Variants in COLGALT2 observed in about 807,000 individuals in gnomAD.
The protein encoded by COLGALT2 is procollagen galactosyltransferase 2.
Under a neutral mutation model 73.4 loss-of-function variants are expected in COLGALT2, and 49 were observed. That is an observed-to-expected ratio of 0.67 (90% CI 0.53 to 0.85). The LOEUF (loss-of-function observed/expected upper bound fraction) is 0.85. Among genes scored for constraint, COLGALT2 ranks in the 40% least tolerant of loss-of-function variants. COLGALT2 has a pLI of 0.00. For missense variants in COLGALT2, 722 were observed against 790.2 expected, an observed-to-expected ratio of 0.91 and a Z score of 1.03; for synonymous variants, 295 against 307.6, an observed-to-expected ratio of 0.96 and a Z score of 0.43.
rs532251725 is a variant in COLGALT2, at chr1:184,026,188, G to A, written c.263+10907C>T. ...TGCACACTAGGGAAAAATGAAAGAC[G>A]CTGCTTTTGGCTAGAGGAAACTGTC... On this transcript the variant is annotated intron_variant, in intron 1 of 11. Transcript: ENST00000361927. 3.5e-4 allele frequency among the ~76,000 whole-genome samples: 54 copies of A among 152,182 alleles called. 1 individual carries two copies. In the South Asian group the frequency reaches 5.8e-3, roughly 16 times the overall value.
intron 1 of COLGALT2, among the ~76,000 whole-genome samples, chr1:183,997,395 C>T (rs1311395576): frequency 6.6e-6 from 1 of 152,160 alleles, no homozygotes; most frequent in Non-Finnish European, 1.5e-5. Context: ...TCCCTAGTTA[C>T]TCCTCTTCCT....
Position 183,953,269 on chromosome 1 carries a change from C to T in COLGALT2, c.1029+1493G>A, listed in dbSNP as rs545200495. 2.6e-5 allele frequency among the ~76,000 whole-genome samples: 4 copies of T among 152,248 alleles called. No individual in the cohort carries two copies. In the South Asian group the frequency reaches 8.3e-4, roughly 32 times the overall value. ...GAGGATTGAAAAGCCCCTGAAAAGC[C>T]CTTTTTCTACCATGCTATCTCTGTT... is the stretch of plus-strand genomic sequence containing the variant. On this transcript the variant is annotated intron_variant, in intron 7 of 11. Coordinates refer to ENST00000361927, the MANE Select transcript of COLGALT2 (RefSeq NM_015101.4).
chr1:183,986,028 C>T lies in COLGALT2; in HGVS notation c.264-7508G>A, dbSNP rs185187579. ...TCATTTTCAAGAAAGGTCATATCAT[C>T]GAGTCCCGCCACCTCTGTGTCCAGT... On this transcript the variant is annotated intron_variant, in intron 1 of 11. Transcript: ENST00000361927. Among the ~76,000 whole-genome samples, 16 of 152,304 alleles carry T rather than the reference C, an allele frequency of 1.1e-4. No homozygotes were observed. The South Asian group carries it at 1.4e-3, about 14-fold the overall frequency.
chr1:184,027,763 A>G (rs1477009136), intron 1 of COLGALT2, among the ~76,000 whole-genome samples: 4 of 152,262 alleles, frequency 2.6e-5, no homozygotes, highest in African/African-American at 9.6e-5. Flanking sequence ...TAAAAAGCTT[A>G]CAATGGAAAC....
chr1:183,953,945 T>C (rs1670481690), intron 7 of COLGALT2, among the ~76,000 whole-genome samples: 1 of 152,206 alleles, frequency 6.6e-6, no homozygotes, highest in African/African-American at 2.4e-5. Flanking sequence ...TCAGTGGCAA[T>C]TAGCACCAAG....
At chr1:183,979,506 C>T (rs927770723) in intron 1 of COLGALT2, among the ~76,000 whole-genome samples, 1 of 152,010 alleles carries the variant, frequency 6.6e-6, no homozygotes, top group East Asian at 1.9e-4. Context: ...TTCTTTCAAG[C>T]GATAGATAGT....
intron 1 of COLGALT2, among the ~76,000 whole-genome samples, chr1:184,016,937 T>C (rs1277922992): frequency 1.3e-5 from 2 of 152,232 alleles, no homozygotes; most frequent in Non-Finnish European, 2.9e-5. Context: ...TATAATTTAG[T>C]CTTCCCTCAA....
chr1:183,993,986 G>A (rs2102832346), intron 1 of COLGALT2, among the ~76,000 whole-genome samples: 1 of 146,948 alleles, frequency 6.8e-6, no homozygotes, highest in East Asian at 2.0e-4. Context: ...TCAAGACAAG[G>A]ATTCAGTAAA....
intron 5 of COLGALT2, among the ~76,000 whole-genome samples, chr1:183,966,637 T>C (rs1670879792): frequency 6.6e-6 from 1 of 152,224 alleles, no homozygotes; most frequent in Non-Finnish European, 1.5e-5. Flanking sequence ...TGTCTGCCCA[T>C]TGCCCATATC....
At chr1:184,001,243 A>C (rs1211196901) in intron 1 of COLGALT2, among the ~76,000 whole-genome samples, 1 of 152,206 alleles carries the variant, frequency 6.6e-6, no homozygotes, top group East Asian at 1.9e-4. Context: ...GCTGTTTTAA[A>C]GGTCTTCTAC....
At chr1:183,960,677 C>T (rs536258733) in intron 6 of COLGALT2, among the ~76,000 whole-genome samples, 7 of 152,328 alleles carry the variant, frequency 4.6e-5, no homozygotes, top group South Asian at 2.1e-4. Flanking sequence ...AACCATGGCC[C>T]GCAGGCCACA....
At chr1:184,022,886 C>T (rs1349337967) in intron 1 of COLGALT2, among the ~76,000 whole-genome samples, 1 of 152,134 alleles carries the variant, frequency 6.6e-6, no homozygotes, top group Non-Finnish European at 1.5e-5. Flanking sequence ...CAAGAGAAAC[C>T]TTCCTTAAGA....
intron 1 of COLGALT2, among the ~76,000 whole-genome samples, chr1:183,994,605 C>T (rs1226197704): frequency 2.0e-5 from 3 of 152,126 alleles, no homozygotes; most frequent in African/African-American, 7.2e-5. Flanking sequence ...CTGGGGCGTG[C>T]CACCATGCCC....
intron 6 of COLGALT2, 38 bp from the exon 7 acceptor site, chr1:183,954,876 T>C (rs201373411): frequency 2.0e-6 from 3 of 1,498,662 alleles, no homozygotes. Flanking sequence ...GCTTTGTTAA[T>C]GAAAGGGTCA....
In COLGALT2 at chr1:183,930,569, C is replaced by CTTTTTT. The variant is rs397861890; in HGVS notation, c.1605-286_1605-281dup. ...AATGCCCTGCTAATTTTTTCTTTTT[C>CTTTTTT]TTTTTTTTTTTTTTTTTTTTTGTAT... On this transcript the variant is annotated intron_variant, in intron 11 of 11. Coordinates refer to the COLGALT2 transcript ENST00000649786. Among the ~76,000 whole-genome samples, 80 of 114,052 alleles carry CTTTTTT rather than the reference C, an allele frequency of 7.0e-4. 1 individual carries two copies. The highest frequency in any genetic ancestry group is 5.2e-3 in the Middle Eastern group (1 of 194). 74.8% of individuals were successfully genotyped at this position (114,052 alleles called of 152,430 possible). A position where few individuals can be genotyped will look rare whatever the true frequency, so the allele number is the denominator to read the frequency against.
intron 10 of COLGALT2, among the ~76,000 whole-genome samples, chr1:183,942,523 T>G (rs1011759971): frequency 6.6e-6 from 1 of 152,214 alleles, no homozygotes; most frequent in Non-Finnish European, 1.5e-5. Context: ...TGCATTATAT[T>G]TCTATTGAAC....
chr1:184,009,907 GA>G (rs560232570), intron 1 of COLGALT2, among the ~76,000 whole-genome samples: 100 of 152,204 alleles, frequency 6.6e-4, no homozygotes, highest in African/African-American at 2.3e-3. Flanking sequence ...CCAGTGTAGA[GA>G]GCTAAGTAAC....
intron 1 of COLGALT2, among the ~76,000 whole-genome samples, chr1:183,993,932 T>A (rs35868438): frequency 0.32 from 48,572 of 151,620 alleles, 10,518 homozygotes; most frequent in African/African-American, 0.61. Context: ...AGGACTGTTA[T>A]GTGTATGAAG....
intron 4 of COLGALT2, among the ~76,000 whole-genome samples, chr1:183,971,978 G>A (rs1381453129): frequency 1.3e-5 from 2 of 152,192 alleles, no homozygotes. Context: ...CTACCAACTA[G>A]GGTTTTTCCC....
Sources: allele counts gnomAD v4.1 joint callset (sites outside exome capture counted in the v4.1 genomes callset), GRCh38; gene constraint gnomAD v4.1.1; transcripts MANE v1.5; gene names NCBI Gene and HGNC (gene_info 2026-07-23, HGNC 2026-07-21).